Variants in UBE2E1 observed in about 807,000 individuals in gnomAD.
UBE2E1 encodes the protein ubiquitin conjugating enzyme E2 E1, also known as ubiquitin-conjugating enzyme E2 E1.
A neutral mutation model predicts 21.4 loss-of-function variants in UBE2E1; 6 were observed. That is an observed-to-expected ratio of 0.28 (90% CI 0.15 to 0.55). UBE2E1 has a LOEUF of 0.55. UBE2E1 is among the 20% of genes least tolerant of loss of function. The pLI, the probability that UBE2E1 is intolerant of heterozygous loss-of-function variation, is 0.93. For synonymous variants in UBE2E1, 87 were observed against 82.7 expected (o/e 1.05, Z -0.28); for missense variants, 142 against 236.5 (o/e 0.60, Z 2.62).
At chr3:23,855,011 A>G (rs1700405056) in intron 3 of UBE2E1, among the ~76,000 whole-genome samples, 1 of 152,226 alleles carries the variant, frequency 6.6e-6, no homozygotes. Context: ...AGCCGTAATT[A>G]TTTTGTGAGA....
intron 1 of UBE2E1, 165 bp from the exon 2 acceptor site, chr3:23,807,072 C>G (rs911167238): frequency 1.9e-6 from 1 of 515,380 alleles, no homozygotes; most frequent in South Asian, 3.7e-5. Context: ...AAGCCGCGTC[C>G]GATTTGCAAA....
chr3:23,829,812 G>A (rs1402725848), intron 3 of UBE2E1, among the ~76,000 whole-genome samples: 1 of 152,244 alleles, frequency 6.6e-6, no homozygotes, highest in South Asian at 2.1e-4. Context: ...TGAAAGAGAA[G>A]CAGATAAAAG....
chr3:23,819,828 G>C (rs1382291987), intron 3 of UBE2E1, among the ~76,000 whole-genome samples: 1 of 152,138 alleles, frequency 6.6e-6, no homozygotes, highest in Non-Finnish European at 1.5e-5. Context: ...GGACGTCAGT[G>C]TGGCAAAAAA....
At position 23,881,861 on chromosome 3, in the gene UBE2E1, C is replaced by G. The variant is rs146877162; in HGVS notation, c.204-5706C>G. ...TTCTTCCTTCTGGTGGGTTCGTGGT[C>G]TCGCTGGCTTCAGGAGTGAAGCTGC... On this transcript the variant is annotated intron_variant, in intron 3 of 5. Transcript: ENST00000306627. 3.5e-3 allele frequency among the ~76,000 whole-genome samples: 537 copies of G among 152,088 alleles called. 2 individuals are homozygous for G. The highest frequency in any genetic ancestry group is 0.012 in the African/African-American group (493 of 41,492).
At chr3:23,877,794 GGAT>G (rs1451744737) in intron 3 of UBE2E1, among the ~76,000 whole-genome samples, 1 of 152,102 alleles carries the variant, frequency 6.6e-6, no homozygotes, top group Non-Finnish European at 1.5e-5. Flanking sequence ...GGCTTTCTGA[GGAT>G]GATGATAAAG....
rs181694677 is a variant in UBE2E1, at chr3:23,826,308, G to A, written c.203+14798G>A. On this transcript the variant is annotated intron_variant, in intron 3 of 5. Transcript: ENST00000306627. ...TCAGCTGGTCTTGACGTAAAGGTTG[G>A]ATGAAGTGTGAATGTTTGTAATGCA... Among the ~76,000 whole-genome samples the A allele has an allele frequency of 2.0e-5, 3 of 152,352 alleles. No individual in the cohort carries two copies. The East Asian group carries it at 5.8e-4, about 29-fold the overall frequency.
At chr3:23,881,178 C>G (rs1489463572) in intron 3 of UBE2E1, among the ~76,000 whole-genome samples, 2 of 152,092 alleles carry the variant, frequency 1.3e-5, no homozygotes, top group Non-Finnish European at 1.5e-5. Context: ...CATCCCCGCT[C>G]CTATTGTTTA....
chr3:23,856,185 C>T (rs1317030488), intron 3 of UBE2E1, among the ~76,000 whole-genome samples: 1 of 152,060 alleles, frequency 6.6e-6, no homozygotes, highest in Non-Finnish European at 1.5e-5. Flanking sequence ...TACCACCATG[C>T]CTTGCTAATT....
chr3:23,811,417 T>G (rs1362871268), intron 2 of UBE2E1, 43 bp from the exon 3 acceptor site: 2 of 1,610,654 alleles, frequency 1.2e-6, no homozygotes, highest in Non-Finnish European at 1.7e-6. Context: ...CTTCCGCGCC[T>G]TAATGCTTCT....
At chr3:23,852,506 T>C (rs2125308215) in intron 3 of UBE2E1, among the ~76,000 whole-genome samples, 1 of 152,354 alleles carries the variant, frequency 6.6e-6, no homozygotes, top group South Asian at 2.1e-4. Flanking sequence ...TAAGAGCTTT[T>C]TAGTGGATTT....
chr3:23,882,201 G>A (rs1167010374), intron 3 of UBE2E1, among the ~76,000 whole-genome samples: 2 of 152,150 alleles, frequency 1.3e-5, no homozygotes, highest in Admixed American at 6.5e-5. Flanking sequence ...ACATGTTACT[G>A]ATTGGTGCAT....
chr3:23,871,992 A>G (rs1477046359), intron 3 of UBE2E1, among the ~76,000 whole-genome samples: 1 of 151,940 alleles, frequency 6.6e-6, no homozygotes, highest in African/African-American at 2.4e-5. Flanking sequence ...AGAGGCTGCA[A>G]TCTCGGCACT....
intron 3 of UBE2E1, among the ~76,000 whole-genome samples, chr3:23,881,308 AC>A (rs150639930): frequency 0.012 from 1,896 of 152,258 alleles, 43 homozygotes; most frequent in African/African-American, 0.044. Context: ...AGAAGAAAAA[AC>A]TATGTTATCT....
chr3:23,860,138 C>G (rs1207979628), intron 3 of UBE2E1, among the ~76,000 whole-genome samples: 1 of 152,106 alleles, frequency 6.6e-6, no homozygotes, highest in Non-Finnish European at 1.5e-5. Flanking sequence ...AGAGCTCAGC[C>G]CTTTGCTGCC....
chr3:23,891,334 T>C lies in UBE2E1; in HGVS notation c.*728T>C, dbSNP rs1441752141. On this transcript the variant is annotated 3_prime_UTR_variant, in exon 6 of 6. Coordinates refer to ENST00000306627, the MANE Select transcript of UBE2E1 (RefSeq NM_003341.5). ...AATAAACACTGCTGTGTTCATTTACTTTTCTTTTGCCTTTTGGTTGCCATT... is the reference window on the plus strand; with the variant it reads ...AATAAACACTGCTGTGTTCATTTACCTTTCTTTTGCCTTTTGGTTGCCATT... 1 of 152,228 alleles carries C rather than the reference T, an allele frequency of 6.6e-6. No homozygotes were observed. Among genetic ancestry groups the C allele is most frequent in the Non-Finnish European group, 1.5e-5 (1 of 68,040 alleles). The allele number at this position is 152,228 out of a possible 1,614,324, so 9.4% of individuals were successfully genotyped here. A position where few individuals can be genotyped will look rare whatever the true frequency, so the allele number is the denominator to read the frequency against.
chr3:23,868,959 C>T (rs1037124283), intron 3 of UBE2E1, among the ~76,000 whole-genome samples: 1 of 152,114 alleles, frequency 6.6e-6, no homozygotes, highest in African/African-American at 2.4e-5. Flanking sequence ...GGTTGTACTC[C>T]AATGAACCTA....
chr3:23,847,227 C>G (rs2125304643), intron 3 of UBE2E1, among the ~76,000 whole-genome samples: 2 of 152,196 alleles, frequency 1.3e-5, no homozygotes, highest in South Asian at 4.1e-4. Flanking sequence ...TGATCTTATA[C>G]ACCAGTCACA....
At chr3:23,832,966 T>G (rs1575816519) in intron 3 of UBE2E1, among the ~76,000 whole-genome samples, 1 of 152,002 alleles carries the variant, frequency 6.6e-6, no homozygotes, top group South Asian at 2.1e-4. Context: ...CCCAGGAGAT[T>G]GATGCTGCAG....
At position 23,823,663 on chromosome 3, in the gene UBE2E1, A is replaced by G. The variant is rs1019048258; in HGVS notation, c.203+12153A>G. Among the ~76,000 whole-genome samples the G allele has an allele frequency of 6.6e-6, 1 of 152,252 alleles. No individual in the cohort carries two copies. The highest frequency in any genetic ancestry group is 1.5e-5 in the Non-Finnish European group (1 of 68,050). On this transcript the variant is annotated intron_variant, in intron 3 of 5. Transcript: ENST00000306627. The surrounding 1 kb of genome is among the most constrained non-coding windows in gnomAD (Gnocchi z 4.2). ...TTTGCAGAGAAAAAGACCCTAAAAG[A>G]AAACATTTGTTTTATTACAAGCACC... is the stretch of plus-strand genomic sequence containing the variant.
Sources: allele counts gnomAD v4.1 joint callset (sites outside exome capture counted in the v4.1 genomes callset), GRCh38; gene constraint gnomAD v4.1.1; non-coding constraint Gnocchi (gnomAD v3.1); transcripts MANE v1.5; gene names NCBI Gene and HGNC (gene_info 2026-07-23, HGNC 2026-07-21).